RBFOX3: variants seen among roughly 807,000 people sequenced by gnomAD.
RBFOX3 encodes the protein RNA binding fox-1 homolog 3.
Under a neutral mutation model 48.7 loss-of-function variants are expected in RBFOX3, and 17 were observed. The ratio of observed to expected loss-of-function variants is 0.35; its 90% CI spans 0.24 to 0.52. RBFOX3 has a LOEUF of 0.52. RBFOX3 is among the 20% of genes least tolerant of loss of function. The pLI is 0.94. For synonymous variants in RBFOX3, 212 were observed against 209.5 expected (o/e 1.01, Z -0.10); for missense variants, 382 against 497.5 (o/e 0.77, Z 2.21).
intron 2 of RBFOX3, among the ~76,000 whole-genome samples, chr17:79,426,032 C>T (rs570526842): frequency 1.3e-5 from 2 of 152,076 alleles, no homozygotes; most frequent in South Asian, 2.1e-4. Context: ...AGCAAGGCTG[C>T]GGGACTCATG....
At position 79,362,505 on chromosome 17, in the gene RBFOX3, A is replaced by C. The variant is rs886094657; in HGVS notation, c.-174-54681T>G. 1.3e-5 allele frequency among the ~76,000 whole-genome samples: 2 copies of C among 152,002 alleles called. No homozygotes were observed. The highest frequency in any genetic ancestry group is 2.9e-5 in the Non-Finnish European group (2 of 67,990). On this transcript the variant is annotated intron_variant, in intron 2 of 14. Coordinates refer to ENST00000693108, the MANE Select transcript of RBFOX3 (RefSeq NM_001350451.2). The surrounding 1 kb of genome is among the most constrained non-coding windows in gnomAD (Gnocchi z 4.2). ...GCTGGGCCTGGATGGCACTAGGCTGAGGGGAGCAGGGGGAGCAGTGTCAGC... is the reference window on the plus strand; with the variant it reads ...GCTGGGCCTGGATGGCACTAGGCTGCGGGGAGCAGGGGGAGCAGTGTCAGC...
intron 3 of RBFOX3, among the ~76,000 whole-genome samples, chr17:79,306,569 T>C (rs976146637): frequency 1.3e-5 from 2 of 152,194 alleles, no homozygotes; most frequent in Non-Finnish European, 2.9e-5. Context: ...TGGGAGAGGA[T>C]GAGGGTGGGG....
At chr17:79,365,290 G>A (rs1320546483) in intron 2 of RBFOX3, among the ~76,000 whole-genome samples, 1 of 152,184 alleles carries the variant, frequency 6.6e-6, no homozygotes, top group African/African-American at 2.4e-5. Flanking sequence ...TGGGAGGGAT[G>A]ACTGTAACTG....
intron 1 of RBFOX3, among the ~76,000 whole-genome samples, chr17:79,576,377 G>A (rs2092857297): frequency 6.6e-6 from 1 of 152,210 alleles, no homozygotes; most frequent in African/African-American, 2.4e-5. Flanking sequence ...AGATCATGGA[G>A]ATGATGGAGA....
chr17:79,454,982 C>T (rs551171956), intron 2 of RBFOX3, among the ~76,000 whole-genome samples: 3 of 152,328 alleles, frequency 2.0e-5, no homozygotes, highest in South Asian at 2.1e-4. Flanking sequence ...GCACGAGGCC[C>T]GACAGCATCC....
chr17:79,469,567 A>G (rs1822984797), intron 2 of RBFOX3, among the ~76,000 whole-genome samples: 1 of 151,986 alleles, frequency 6.6e-6, no homozygotes, highest in African/African-American at 2.4e-5. Flanking sequence ...ACATCTCCCT[A>G]TGGCACATGC....
At chr17:79,585,725 C>G (rs1279208842) in intron 1 of RBFOX3, among the ~76,000 whole-genome samples, 4 of 152,080 alleles carry the variant, frequency 2.6e-5, no homozygotes, top group Non-Finnish European at 5.9e-5. Context: ...TAGGAACTCC[C>G]AGCAGCAAAG....
intron 2 of RBFOX3, among the ~76,000 whole-genome samples, chr17:79,435,704 G>C (rs2069297887): frequency 6.6e-6 from 1 of 152,224 alleles, no homozygotes; most frequent in African/African-American, 2.4e-5. Context: ...TTGCTGGCCA[G>C]GTGCTGGCAT....
chr17:79,146,419 G>C (rs867560143), intron 4 of RBFOX3, among the ~76,000 whole-genome samples: 1 of 152,214 alleles, frequency 6.6e-6, no homozygotes, highest in Non-Finnish European at 1.5e-5. Flanking sequence ...CTGCAAGAGG[G>C]TACGTGACTC....
chr17:79,293,515 C>T (rs1346938192), intron 3 of RBFOX3, among the ~76,000 whole-genome samples: 1 of 150,660 alleles, frequency 6.6e-6, no homozygotes, highest in East Asian at 2.0e-4. Flanking sequence ...TGCAGTGGCA[C>T]AATCTTGGCT....
intron 1 of RBFOX3, among the ~76,000 whole-genome samples, chr17:79,607,518 C>A (rs1019934152): frequency 3.3e-5 from 5 of 152,172 alleles, no homozygotes; most frequent in African/African-American, 7.2e-5. Context: ...CTGCCCCCCA[C>A]CCCCTACCAC....
At chr17:79,125,661 C>T (rs1228160761) in intron 4 of RBFOX3, among the ~76,000 whole-genome samples, 1 of 152,244 alleles carries the variant, frequency 6.6e-6, no homozygotes, top group Non-Finnish European at 1.5e-5. Context: ...TCCTGGCTCC[C>T]TCTCCTCTCA....
At chr17:79,602,829 G>A (rs1308808454) in intron 1 of RBFOX3, among the ~76,000 whole-genome samples, 2 of 152,174 alleles carry the variant, frequency 1.3e-5, no homozygotes, top group Admixed American at 1.3e-4. Context: ...AGGAGCCCGG[G>A]AAGGGCTGGG....
intron 3 of RBFOX3, among the ~76,000 whole-genome samples, chr17:79,302,613 C>T (rs765011577): frequency 1.6e-4 from 24 of 151,906 alleles, no homozygotes; most frequent in Non-Finnish European, 2.9e-4. Flanking sequence ...CCTGGGATTG[C>T]GCCATTGCAC....
At chr17:79,431,046 G>A (rs907904) in intron 2 of RBFOX3, among the ~76,000 whole-genome samples, 151,320 of 152,310 alleles carry the variant, frequency 0.99, 75,179 homozygotes, top group Middle Eastern at 1. Context: ...CAAGTTTCCC[G>A]GATCAAACCA....
chr17:79,261,715 C>T (rs2065813378), intron 3 of RBFOX3, among the ~76,000 whole-genome samples: 2 of 152,196 alleles, frequency 1.3e-5, no homozygotes, highest in South Asian at 4.1e-4. Context: ...AGGACCCTCC[C>T]TATCCCATCC....
intron 1 of RBFOX3, among the ~76,000 whole-genome samples, chr17:79,591,301 G>T (rs920849747): frequency 1.3e-5 from 2 of 152,104 alleles, no homozygotes; most frequent in East Asian, 3.9e-4. Flanking sequence ...CACCTGCCTC[G>T]GGGGCTTCCT....
At chr17:79,645,141 G>A in the RBFOX3 span, among the ~76,000 whole-genome samples, 1 of 152,074 alleles carries the variant, frequency 6.6e-6, no homozygotes, top group Non-Finnish European at 1.5e-5. Context: ...CCGCTCACCT[G>A]GGCCATCGTG....
chr17:79,303,585 T>C (rs1308801645), intron 3 of RBFOX3, among the ~76,000 whole-genome samples: 1 of 152,132 alleles, frequency 6.6e-6, no homozygotes, highest in Non-Finnish European at 1.5e-5. Flanking sequence ...ATAAGTCACA[T>C]GGGCTAGGGG....
Sources: gnomAD v4.1 joint callset for allele counts (sites outside exome capture counted in the v4.1 genomes callset) on GRCh38, gnomAD v4.1.1 for gene constraint, Gnocchi (gnomAD v3.1) non-coding constraint, MANE v1.5 for transcripts, NCBI Gene and HGNC (gene_info 2026-07-23, HGNC 2026-07-21) for gene names.